Variants in STK33 observed in about 807,000 individuals in gnomAD.
The protein encoded by STK33 is serine/threonine-protein kinase 33.
STK33 carries 52 observed loss-of-function variants against 58.0 expected under a neutral mutation model. That is an observed-to-expected ratio of 0.90 (90% CI 0.72 to 1.13). STK33 has a LOEUF of 1.13. STK33 is among the 50% of genes most tolerant of loss of function. The pLI is 0.00. For missense variants in STK33, 630 were observed against 604.2 expected (o/e 1.04, Z -0.45); for synonymous variants, 215 against 200.1 (o/e 1.07, Z -0.63).
intron 1 of STK33, among the ~76,000 whole-genome samples, chr11:8,572,646 T>C (rs891277837): frequency 2.0e-5 from 3 of 152,116 alleles, no homozygotes; most frequent in South Asian, 2.1e-4. Context: ...CTCGAACTCC[T>C]GGCCTCAAGC....
At chr11:8,448,360 T>C (rs1036585626) in intron 11 of STK33, among the ~76,000 whole-genome samples, 1 of 152,178 alleles carries the variant, frequency 6.6e-6, no homozygotes, top group African/African-American at 2.4e-5. Flanking sequence ...GCTGGAGGCA[T>C]CACGCTACCT....
At chr11:8,455,774 G>A (rs1195064619) in intron 9 of STK33, among the ~76,000 whole-genome samples, 1 of 126,932 alleles carries the variant, frequency 7.9e-6, no homozygotes, top group Non-Finnish European at 1.6e-5. Context: ...TCGTGTCACT[G>A]CACTCCAGCC....
chr11:8,558,164 T>C (rs550766533), intron 1 of STK33, among the ~76,000 whole-genome samples: 17 of 152,352 alleles, frequency 1.1e-4, no homozygotes, highest in Admixed American at 6.5e-5. Flanking sequence ...AAGATTTCCA[T>C]CATTCATTTG....
At chr11:8,390,084 C>T (rs758969462), downstream of STK33, among the ~76,000 whole-genome samples, 13 of 152,122 alleles carry the variant, frequency 8.5e-5, no homozygotes, top group Non-Finnish European at 1.8e-4. Context: ...CATTTTGCTC[C>T]ACATATCCCC....
At chr11:8,462,094 A>C (rs114175246) in intron 7 of STK33, among the ~76,000 whole-genome samples, 185 bp from the exon 8 acceptor site, 1,845 of 152,224 alleles carry the variant, frequency 0.012, 38 homozygotes, top group African/African-American at 0.042. Context: ...GATCAGATTA[A>C]ATTATGCCCC....
intron 1 of STK33, among the ~76,000 whole-genome samples, chr11:8,579,995 G>GCGT (rs2029869096): frequency 6.6e-6 from 1 of 152,078 alleles, no homozygotes; most frequent in Non-Finnish European, 1.5e-5. Flanking sequence ...TGGAGAAAAG[G>GCGT]GAACCTTCAT....
At chr11:8,359,716 G>C in the STK33 span, among the ~76,000 whole-genome samples, 593 of 152,350 alleles carry the variant, frequency 3.9e-3, 2 homozygotes, top group African/African-American at 0.014. Flanking sequence ...TGCAATCAGA[G>C]AGAGGGGTTC....
At chr11:8,415,453 A>G (rs775657147) in intron 14 of STK33, among the ~76,000 whole-genome samples, 2 of 152,084 alleles carry the variant, frequency 1.3e-5, no homozygotes, top group Non-Finnish European at 2.9e-5. Flanking sequence ...ACTTTAAGAG[A>G]TAGTATGCAA....
At chr11:8,435,334 T>G (rs1943933921) in intron 14 of STK33, among the ~76,000 whole-genome samples, 160 bp downstream of exon 14, 1 of 152,190 alleles carries the variant, frequency 6.6e-6, no homozygotes, top group Non-Finnish European at 1.5e-5. Context: ...AGTTTGAAAA[T>G]GCCCATTTTC....
chr11:8,406,113 A>G (rs1195394705), intron 15 of STK33, among the ~76,000 whole-genome samples: 7 of 137,356 alleles, frequency 5.1e-5, no homozygotes, highest in South Asian at 2.6e-4. Flanking sequence ...ACCGCACTCC[A>G]GGCTGGGTGA....
At chr11:8,382,349 TG>T in the STK33 span, among the ~76,000 whole-genome samples, 1 of 152,030 alleles carries the variant, frequency 6.6e-6, no homozygotes, top group Non-Finnish European at 1.5e-5. Context: ...GCCCTGGAAA[TG>T]AAAGTGAGAG....
chr11:8,382,938 C>T, the STK33 span, among the ~76,000 whole-genome samples: 1 of 152,194 alleles, frequency 6.6e-6, no homozygotes, highest in African/African-American at 2.4e-5. Flanking sequence ...CAAAAAGCCT[C>T]TTTAGCAGTC....
intron 1 of STK33, among the ~76,000 whole-genome samples, chr11:8,581,628 A>C (rs1432831289): frequency 6.6e-6 from 1 of 152,208 alleles, no homozygotes; most frequent in African/African-American, 2.4e-5. Context: ...CCTGAAAGAG[A>C]ACTCTCTGTC....
intron 1 of STK33, among the ~76,000 whole-genome samples, chr11:8,568,302 A>G (rs752748185): frequency 6.6e-6 from 1 of 152,198 alleles, no homozygotes; most frequent in Non-Finnish European, 1.5e-5. Flanking sequence ...AAATGGCATA[A>G]AAGTTCCTCC....
intron 10 of STK33, among the ~76,000 whole-genome samples, chr11:8,453,363 C>T (rs751581634): frequency 1.3e-5 from 2 of 152,188 alleles, no homozygotes; most frequent in Non-Finnish European, 2.9e-5. Flanking sequence ...TCCCTGTCAG[C>T]ACTCACTGAA....
intron 1 of STK33, among the ~76,000 whole-genome samples, chr11:8,536,391 T>A (rs1955003791): frequency 6.6e-6 from 1 of 152,182 alleles, no homozygotes; most frequent in African/African-American, 2.4e-5. Flanking sequence ...TTAATTTTTT[T>A]AAAAGATCCA....
At chr11:8,354,896 G>C in the STK33 span, among the ~76,000 whole-genome samples, 12 of 152,368 alleles carry the variant, frequency 7.9e-5, no homozygotes, top group South Asian at 2.3e-3. Flanking sequence ...AGCCCAGCCT[G>C]GCAGGGCTGG....
At chr11:8,492,188 T>C (rs559621196) in intron 1 of STK33, among the ~76,000 whole-genome samples, 60 of 152,038 alleles carry the variant, frequency 3.9e-4, no homozygotes, top group Non-Finnish European at 7.4e-4. Context: ...GTGTGCTGTA[T>C]TCAGGAAACC....
At chr11:8,516,375 G>A (rs1952781972) in intron 1 of STK33, among the ~76,000 whole-genome samples, 1 of 152,178 alleles carries the variant, frequency 6.6e-6, no homozygotes, top group Non-Finnish European at 1.5e-5. Context: ...GAAACTGGGG[G>A]CAGATTCCTA....
Sources: gnomAD v4.1 joint callset for allele counts (sites outside exome capture counted in the v4.1 genomes callset) on GRCh38, gnomAD v4.1.1 for gene constraint, MANE v1.5 for transcripts, NCBI Gene and HGNC (gene_info 2026-07-23, HGNC 2026-07-21) for gene names.